PLEKHA5: variants seen among roughly 807,000 people sequenced by gnomAD.
The protein encoded by PLEKHA5 is pleckstrin homology domain containing A5.
Under a neutral mutation model 181.9 loss-of-function variants are expected in PLEKHA5, and 55 were observed. That is an observed-to-expected ratio of 0.30 (90% CI 0.24 to 0.38). PLEKHA5 has a LOEUF of 0.38. Among genes scored for constraint, PLEKHA5 ranks in the 10% least tolerant of loss-of-function variants. The probability of loss-of-function intolerance (pLI) is 1.00; values close to 1 mark genes in which losing one functional copy is unlikely to be tolerated. For synonymous variants in PLEKHA5, 535 were observed against 529.4 expected (o/e 1.01, Z -0.15); for missense variants, 1,432 against 1,549.5 (o/e 0.92, Z 1.27).
At chr12:19,150,680 A>C (rs1271778627) in intron 3 of PLEKHA5, 1 of 152,226 alleles carries the variant, frequency 6.6e-6, no homozygotes, top group Non-Finnish European at 1.5e-5. Context: ...CAGTTTGTTA[A>C]AATACAGTGT....
chr12:19,321,108 G>A (rs1296381860), intron 18 of PLEKHA5, among the ~76,000 whole-genome samples: 2 of 151,504 alleles, frequency 1.3e-5, no homozygotes, highest in Non-Finnish European at 2.9e-5. Context: ...GACAGGTGCA[G>A]TGAGCCAAGA....
chr12:19,256,802 G>T (rs2067000339), intron 5 of PLEKHA5, among the ~76,000 whole-genome samples: 1 of 151,992 alleles, frequency 6.6e-6, no homozygotes, highest in Non-Finnish European at 1.5e-5. Flanking sequence ...AAATCTTCAT[G>T]GTAACCATAG....
intron 3 of PLEKHA5, among the ~76,000 whole-genome samples, chr12:19,195,648 G>A (rs2052505813): frequency 1.4e-5 from 2 of 138,336 alleles, no homozygotes; most frequent in African/African-American, 5.3e-5. Flanking sequence ...ACTCCAGCCT[G>A]GGTGAGAGAG....
chr12:19,255,413 T>A (rs1007344806), intron 5 of PLEKHA5, among the ~76,000 whole-genome samples: 1 of 152,100 alleles, frequency 6.6e-6, no homozygotes, highest in African/African-American at 2.4e-5. Flanking sequence ...TGGGTACACT[T>A]AAGTTTTAAA....
intron 15 of PLEKHA5, chr12:19,307,521 C>A: frequency 3.2e-6 from 1 of 308,210 alleles, no homozygotes; most frequent in South Asian, 3.8e-5. Context: ...AGCACACTGC[C>A]TAATTTCGGC....
chr12:19,218,461 A>G (rs1013399208), intron 3 of PLEKHA5, among the ~76,000 whole-genome samples: 1 of 152,212 alleles, frequency 6.6e-6, no homozygotes, highest in East Asian at 1.9e-4. Context: ...TTGGAATGCT[A>G]AACTCTTGAA....
chr12:19,133,824 T>C (rs1017198591), intron 3 of PLEKHA5, among the ~76,000 whole-genome samples: 1 of 151,996 alleles, frequency 6.6e-6, no homozygotes, highest in African/African-American at 2.4e-5. Flanking sequence ...AAAAAAATAC[T>C]TGAGTGAAAT....
At chr12:19,349,982 C>T (rs554921137) in intron 25 of PLEKHA5, among the ~76,000 whole-genome samples, 1 of 152,096 alleles carries the variant, frequency 6.6e-6, no homozygotes, top group African/African-American at 2.4e-5. Flanking sequence ...CATGGTAGCA[C>T]ACACCTGTAG....
chr12:19,252,663 T>C (rs1261918883), intron 3 of PLEKHA5, among the ~76,000 whole-genome samples: 1 of 152,156 alleles, frequency 6.6e-6, no homozygotes, highest in East Asian at 1.9e-4. Flanking sequence ...CAGATTTTTC[T>C]TTGTTTTTGT....
intron 3 of PLEKHA5, among the ~76,000 whole-genome samples, chr12:19,246,092 C>A (rs1351878731): frequency 6.6e-6 from 1 of 151,056 alleles, no homozygotes; most frequent in Non-Finnish European, 1.5e-5. Flanking sequence ...CATTCTCCTG[C>A]CTCAGCTTCC....
chr12:19,321,325 A>G (rs1278012482), intron 18 of PLEKHA5, among the ~76,000 whole-genome samples: 1 of 135,798 alleles, frequency 7.4e-6, no homozygotes, highest in East Asian at 2.1e-4. Flanking sequence ...TTCTTCACTC[A>G]TTATACCCCC....
intron 29 of PLEKHA5, among the ~76,000 whole-genome samples, chr12:19,363,782 A>G (rs1347625728): frequency 6.6e-6 from 1 of 152,104 alleles, no homozygotes; most frequent in African/African-American, 2.4e-5. Flanking sequence ...ATAAGCCACC[A>G]TACCCAGCCT....
chr12:19,158,773 A>T (rs546715728), intron 3 of PLEKHA5, among the ~76,000 whole-genome samples: 3 of 152,180 alleles, frequency 2.0e-5, no homozygotes, highest in Non-Finnish European at 4.4e-5. Flanking sequence ...ATCCAGTGGC[A>T]TAAGCTGACC....
intron 3 of PLEKHA5, among the ~76,000 whole-genome samples, chr12:19,171,508 G>T (rs914805451): frequency 1.3e-5 from 2 of 152,112 alleles, no homozygotes; most frequent in South Asian, 2.1e-4. Context: ...TTGCTTTGTT[G>T]CCCAGGCTGG....
At chr12:19,329,856 T>C (rs1006487005) in intron 20 of PLEKHA5, among the ~76,000 whole-genome samples, 2 of 151,750 alleles carry the variant, frequency 1.3e-5, no homozygotes, top group African/African-American at 4.8e-5. Context: ...GTAGGCAGAT[T>C]ACTTGAGCCC....
chr12:19,221,796 A>G (rs549457597), intron 3 of PLEKHA5, among the ~76,000 whole-genome samples: 3 of 152,292 alleles, frequency 2.0e-5, no homozygotes, highest in South Asian at 2.1e-4. Flanking sequence ...ACAAAACTAC[A>G]TACTTTATTT....
In PLEKHA5 at chr12:19,261,044, G is replaced by C. The variant is rs374368253; in HGVS notation, c.610+23G>C. 4 of 1,358,978 alleles carry C rather than the reference G, an allele frequency of 2.9e-6. No individual in the cohort carries two copies. The African/African-American group carries it at 5.7e-5, about 19-fold the overall frequency. The allele number at this position is 1,358,978 out of a possible 1,614,324, so 84.2% of individuals were successfully genotyped here. ...GAGGTAAGTTTACCCTACTGTCTTA[G>C]TGTATTATTTTGTAATTGATATGTA... On this transcript the variant is annotated intron_variant, in intron 7 of 31. Transcript: ENST00000429027.
chr12:19,365,904 AAG>A (rs968401479), intron 29 of PLEKHA5, 58 bp from the exon 30 acceptor site: 196 of 1,230,558 alleles, frequency 1.6e-4, no homozygotes, highest in Middle Eastern at 3.9e-4. Flanking sequence ...TAACAAAAAA[AAG>A]AAAAATTAAT....
intron 19 of PLEKHA5, 53 bp from the exon 20 acceptor site, chr12:19,322,465 A>G: frequency 6.3e-7 from 1 of 1,592,604 alleles, no homozygotes; most frequent in South Asian, 1.1e-5. Context: ...ATAAGTAAAA[A>G]GAATTAATAC....
Sources: allele counts gnomAD v4.1 joint callset (sites outside exome capture counted in the v4.1 genomes callset), GRCh38; gene constraint gnomAD v4.1.1; transcripts MANE v1.5; gene names NCBI Gene and HGNC (gene_info 2026-07-23, HGNC 2026-07-21).